PCSK5: variants seen among roughly 807,000 people sequenced by gnomAD.
PCSK5 encodes the protein proprotein convertase subtilisin/kexin type 5.
Under a neutral mutation model 233.2 loss-of-function variants are expected in PCSK5, and 129 were observed. That is an observed-to-expected ratio of 0.55 (90% CI 0.48 to 0.64). The LOEUF (loss-of-function observed/expected upper bound fraction) is 0.64, where lower values mean the gene tolerates loss of function less well. PCSK5 is among the 30% of genes least tolerant of loss of function. PCSK5 has a pLI of 0.00. For synonymous variants in PCSK5, 825 were observed against 879.2 expected, an observed-to-expected ratio of 0.94 and a Z score of 1.09; for missense variants, 2,076 against 2,430.1, an observed-to-expected ratio of 0.85 and a Z score of 3.06.
At chr9:76,212,249 G>A (rs558994277) in intron 20 of PCSK5, among the ~76,000 whole-genome samples, 1 of 152,176 alleles carries the variant, frequency 6.6e-6, no homozygotes, top group East Asian at 1.9e-4. Flanking sequence ...ACTCTATCTG[G>A]CAACAATGAA....
At chr9:75,977,888 A>G (rs11144707) in intron 2 of PCSK5, among the ~76,000 whole-genome samples, 91,408 of 151,810 alleles carry the variant, frequency 0.6, 27,859 homozygotes, top group Middle Eastern at 0.69. Context: ...CGGGATTACA[A>G]GCTTGAGCCA....
intron 20 of PCSK5, among the ~76,000 whole-genome samples, chr9:76,226,903 T>C (rs1206659869): frequency 6.6e-6 from 1 of 152,202 alleles, no homozygotes; most frequent in Non-Finnish European, 1.5e-5. Flanking sequence ...GCCCCATATG[T>C]GTTTTTCCTT....
chr9:76,328,150 G>C lies in PCSK5; in HGVS notation c.4481G>C (p.Gly1494Ala). ...GAGTACTGGGATGAGGATGCTCCCG[G>C]GTGCAAGCCCTGCCATGTTAAGTGC... ...PSEYWDEDAP[G>A]CKPCHVKCFH... The change falls in exon 33 of 38, where the codon GGG becomes GCG. Residue 1494 changes from glycine to alanine, a missense_variant. Coordinates refer to ENST00000674117, the MANE Select transcript of PCSK5 (RefSeq NM_001372043.1). 4 of 1,612,804 alleles carry C rather than the reference G, an allele frequency of 2.5e-6. No homozygotes were observed. The highest frequency in any genetic ancestry group is 3.4e-6 in the Non-Finnish European group (4 of 1,179,858).
At chr9:76,124,419 G>A (rs534066876) in intron 9 of PCSK5, among the ~76,000 whole-genome samples, 3 of 152,076 alleles carry the variant, frequency 2.0e-5, no homozygotes, top group South Asian at 2.1e-4. Context: ...CAAATCCATC[G>A]GCTTGTCTTC....
At chr9:76,235,817 T>C (rs1243990998) in intron 22 of PCSK5, among the ~76,000 whole-genome samples, 1 of 152,208 alleles carries the variant, frequency 6.6e-6, no homozygotes, top group African/African-American at 2.4e-5. Flanking sequence ...GAGTGTGATG[T>C]CCTTAAGAAG....
intron 24 of PCSK5, among the ~76,000 whole-genome samples, chr9:76,275,337 A>C (rs143776860): frequency 6.6e-6 from 1 of 152,138 alleles, no homozygotes; most frequent in Non-Finnish European, 1.5e-5. Context: ...AACCCTAACT[A>C]TAATAAGAAT....
chr9:76,294,634 A>T (rs2803419), intron 25 of PCSK5, among the ~76,000 whole-genome samples: 27,425 of 151,958 alleles, frequency 0.18, 2,699 homozygotes, highest in Middle Eastern at 0.27. Context: ...GAAATTAAAG[A>T]TACATGATAT....
chr9:76,053,294 TC>T (rs1331456010), intron 5 of PCSK5, among the ~76,000 whole-genome samples: 6 of 152,176 alleles, frequency 3.9e-5, no homozygotes, highest in African/African-American at 1.2e-4. Context: ...CCATGAGGGT[TC>T]CCCCGCTGCA....
At chr9:76,275,412 T>C (rs565033841) in intron 24 of PCSK5, among the ~76,000 whole-genome samples, 40 of 152,128 alleles carry the variant, frequency 2.6e-4, no homozygotes, top group African/African-American at 9.6e-4. Context: ...GCTTCTTTGG[T>C]TTTTTGGGGG....
At position 76,332,624 on chromosome 9, in the gene PCSK5, A is replaced by G. The variant is rs1235599579; in HGVS notation, c.4748+14A>G. ...GTGCAGGGAAGGGTAAGTGCTCAAT[A>G]CATTTTCCCCCATGTAATTTCACAG... On this transcript the variant is annotated intron_variant, in intron 34 of 37. Transcript: ENST00000674117. 4 of 1,539,562 alleles carry G rather than the reference A, an allele frequency of 2.6e-6. No homozygotes were observed. The highest frequency in any genetic ancestry group is 1.4e-5 in the African/African-American group (1 of 73,116).
At chr9:76,160,392 G>A (rs552441826) in intron 12 of PCSK5, among the ~76,000 whole-genome samples, 4 of 152,266 alleles carry the variant, frequency 2.6e-5, no homozygotes, top group African/African-American at 7.2e-5. Context: ...TTCTCATGGT[G>A]GTTCTAAATG....
chr9:76,175,246 G>A (rs756873036), intron 14 of PCSK5, 117 bp downstream of exon 14: 6 of 669,200 alleles, frequency 9.0e-6, no homozygotes, highest in African/African-American at 8.0e-5. Flanking sequence ...GAAATGGAAT[G>A]GAATGGAATG....
chr9:76,292,193 T>G, intron 24 of PCSK5, 40 bp from the exon 25 acceptor site: 2 of 1,219,698 alleles, frequency 1.6e-6, no homozygotes, highest in Non-Finnish European at 2.4e-6. Context: ...AAATGACGAA[T>G]TCCTCATGAT....
intron 9 of PCSK5, among the ~76,000 whole-genome samples, chr9:76,133,500 C>A (rs777399661): frequency 3.9e-5 from 6 of 152,002 alleles, no homozygotes; most frequent in Non-Finnish European, 7.4e-5. Context: ...CTACCCATTG[C>A]AAATTAAGAA....
At chr9:76,174,165 T>C (rs1184725110) in intron 13 of PCSK5, among the ~76,000 whole-genome samples, 1 of 152,172 alleles carries the variant, frequency 6.6e-6, no homozygotes, top group Admixed American at 6.5e-5. Context: ...AAATGTTTAA[T>C]GGCTATCACA....
chr9:76,304,372 A>G (rs1828710045), intron 28 of PCSK5, among the ~76,000 whole-genome samples: 1 of 152,212 alleles, frequency 6.6e-6, no homozygotes, highest in Non-Finnish European at 1.5e-5. Context: ...GGCAAGGCTC[A>G]TCAGCTTTGT....
rs909984524 is a variant in PCSK5, at chr9:76,162,699, A to T, written c.1619+3528A>T. Among the ~76,000 whole-genome samples the T allele has an allele frequency of 3.3e-5, 5 of 152,040 alleles. No homozygotes were observed. In the East Asian group the frequency reaches 5.8e-4, roughly 18 times the overall value. On this transcript the variant is annotated intron_variant, in intron 12 of 37. Transcript: ENST00000674117. Reference sequence around the variant, plus strand: ...AGCAAAGAACAAAGATTTTTTTCTTAAATAAGAATTCTGAAAAGTTTAAAA... The same window carrying T: ...AGCAAAGAACAAAGATTTTTTTCTTTAATAAGAATTCTGAAAAGTTTAAAA...
chr9:76,073,440 T>C (rs552621759), intron 7 of PCSK5, among the ~76,000 whole-genome samples: 3 of 152,316 alleles, frequency 2.0e-5, no homozygotes, highest in East Asian at 1.9e-4. Context: ...CCTTAGGTAA[T>C]GTTTTAACTC....
At chr9:75,963,735 C>T (rs888925113) in intron 2 of PCSK5, among the ~76,000 whole-genome samples, 10 of 152,210 alleles carry the variant, frequency 6.6e-5, no homozygotes, top group South Asian at 2.1e-4. Flanking sequence ...AAAAATTAGC[C>T]GGGCATGGTG....
Sources: allele counts gnomAD v4.1 joint callset (sites outside exome capture counted in the v4.1 genomes callset), GRCh38; gene constraint gnomAD v4.1.1; transcripts MANE v1.5; gene names NCBI Gene and HGNC (gene_info 2026-07-23, HGNC 2026-07-21).